The following RSPO2 variants were observed in gnomAD, a reference collection of about 807,000 sequenced individuals.
RSPO2 encodes R-spondin-2.
RSPO2 carries 14 observed loss-of-function variants against 30.9 expected under a neutral mutation model. That is an observed-to-expected ratio of 0.45 (90% confidence interval 0.30 to 0.71). The LOEUF is 0.71. Ranked by LOEUF, RSPO2 falls within the 30% of genes least tolerant of loss-of-function variation. The pLI, the probability that RSPO2 is intolerant of heterozygous loss-of-function variation, is 0.08. For synonymous variants in RSPO2, 107 were observed against 96.4 expected, an observed-to-expected ratio of 1.11 and a Z score of -0.64; for missense variants, 264 against 301.9, an observed-to-expected ratio of 0.87 and a Z score of 0.93.
At position 107,907,547 on chromosome 8, in the gene RSPO2, G is replaced by C. The variant is rs554732086; in HGVS notation, c.617-6357C>G. ...ACTTAGTCATTTCATCGTCATAAAA[G>C]AGCATGTGCTTTTAAAATCTACACA... On this transcript the variant is annotated intron_variant, in intron 5 of 5. Transcript: ENST00000276659. 1.5e-4 allele frequency among the ~76,000 whole-genome samples: 22 copies of C among 151,598 alleles called. No homozygotes were observed. The South Asian group carries it at 4.4e-3, about 30-fold the overall frequency.
intron 2 of RSPO2, among the ~76,000 whole-genome samples, chr8:108,045,941 C>T (rs935224838): frequency 2.0e-5 from 3 of 152,078 alleles, no homozygotes; most frequent in African/African-American, 7.2e-5. Flanking sequence ...TCCTTTTTAC[C>T]TTGTCAACTT....
intron 5 of RSPO2, among the ~76,000 whole-genome samples, chr8:107,928,291 TAC>T (rs748375458): frequency 9.2e-5 from 14 of 152,168 alleles, no homozygotes; most frequent in Admixed American, 2.0e-4. Context: ...TTTTAAAAAA[TAC>T]ATAGTTAACA....
chr8:107,951,118 G>A (rs1382909779), intron 5 of RSPO2, among the ~76,000 whole-genome samples: 1 of 150,636 alleles, frequency 6.6e-6, no homozygotes, highest in Non-Finnish European at 1.5e-5. Flanking sequence ...CCCAGGCTGA[G>A]TGCAGTGGCA....
chr8:107,917,166 T>C (rs537809490), intron 5 of RSPO2, among the ~76,000 whole-genome samples: 42 of 152,294 alleles, frequency 2.8e-4, no homozygotes, highest in African/African-American at 1.0e-3. Context: ...AAGTTTCTTC[T>C]ATCAGAGTAA....
At position 108,017,418 on chromosome 8, in the gene RSPO2, G is replaced by C. The variant is rs966371570; in HGVS notation, c.95-28174C>G. On this transcript the variant is annotated intron_variant, in intron 2 of 5. Transcript: ENST00000276659. The stretch of plus-strand genomic sequence containing the variant: ...GCAAAATGACAATATAACTCTACTA[G>C]GAGGATGGGGAAAAGAAGTGGGCTC... Among the ~76,000 whole-genome samples, 4 of 152,280 alleles carry C rather than the reference G, an allele frequency of 2.6e-5. 1 individual carries two copies. The East Asian group carries it at 7.7e-4, about 29-fold the overall frequency.
intron 2 of RSPO2, among the ~76,000 whole-genome samples, chr8:107,996,218 T>A (rs1163611705): frequency 6.6e-6 from 1 of 152,094 alleles, no homozygotes; most frequent in African/African-American, 2.4e-5. Context: ...CTAGAGAGAA[T>A]CCAACTCTTG....
chr8:108,074,818 G>A (rs1812962056), intron 2 of RSPO2, among the ~76,000 whole-genome samples: 1 of 152,128 alleles, frequency 6.6e-6, no homozygotes, highest in South Asian at 2.1e-4. Context: ...GTTTCTATAA[G>A]CAGCTCACCT....
chr8:108,003,299 ATATATATATATATTTTTTTTT>A (rs1815327025), intron 2 of RSPO2, among the ~76,000 whole-genome samples: 14 of 23,284 alleles, frequency 6.0e-4, no homozygotes, highest in African/African-American at 2.5e-3. Flanking sequence ...ATATATATAT[ATATATATATATATTTTTTTTT>A]TTTTTTTTTT....
chr8:108,035,116 C>T (rs1221693733), intron 2 of RSPO2, among the ~76,000 whole-genome samples: 1 of 152,074 alleles, frequency 6.6e-6, no homozygotes, highest in Non-Finnish European at 1.5e-5. Flanking sequence ...TCCAAGGAAA[C>T]AATATAACAG....
intron 5 of RSPO2, among the ~76,000 whole-genome samples, chr8:107,912,114 G>GA (rs1005608198): frequency 2.6e-5 from 4 of 151,168 alleles, no homozygotes; most frequent in African/African-American, 7.3e-5. Context: ...AAAACTCAAG[G>GA]AAAAAAACAA....
At chr8:107,922,760 G>A (rs1812219525) in intron 5 of RSPO2, among the ~76,000 whole-genome samples, 1 of 151,858 alleles carries the variant, frequency 6.6e-6, no homozygotes, top group Non-Finnish European at 1.5e-5. Flanking sequence ...TGGAAAAATG[G>A]AACAGAGAGC....
intron 2 of RSPO2, among the ~76,000 whole-genome samples, chr8:108,005,485 C>T (rs1172403234): frequency 1.3e-5 from 2 of 151,962 alleles, no homozygotes; most frequent in Admixed American, 6.6e-5. Context: ...TATTAGTGGG[C>T]ATGCTAGTTT....
chr8:108,067,622 A>G (rs1392512684), intron 2 of RSPO2, among the ~76,000 whole-genome samples: 1 of 152,270 alleles, frequency 6.6e-6, no homozygotes, highest in African/African-American at 2.4e-5. Context: ...ACACACAAGC[A>G]TGAATAGATC....
chr8:108,010,592 T>C (rs1268671465), intron 2 of RSPO2, among the ~76,000 whole-genome samples: 4 of 152,112 alleles, frequency 2.6e-5, no homozygotes, highest in African/African-American at 9.7e-5. Flanking sequence ...AGGACAGAGA[T>C]GCAGAGAGCC....
intron 2 of RSPO2, among the ~76,000 whole-genome samples, chr8:108,070,858 T>A (rs1412183570): frequency 3.9e-5 from 6 of 152,172 alleles, no homozygotes; most frequent in Non-Finnish European, 8.8e-5. Flanking sequence ...AGTGGATAAT[T>A]TTCTAAATAT....
At chr8:107,904,920 G>C (rs913380544) in intron 5 of RSPO2, among the ~76,000 whole-genome samples, 1 of 152,082 alleles carries the variant, frequency 6.6e-6, no homozygotes, top group African/African-American at 2.4e-5. Flanking sequence ...CTCACATGTG[G>C]AAATGGTCCA....
intron 5 of RSPO2, among the ~76,000 whole-genome samples, chr8:107,931,794 T>G (rs2130347060): frequency 6.6e-6 from 1 of 152,274 alleles, no homozygotes; most frequent in African/African-American, 2.4e-5. Context: ...TCCTAAGATA[T>G]TGTACACACA....
rs182414947 is a variant in RSPO2, at chr8:108,051,423, A to T, written c.94+31122T>A. On this transcript the variant is annotated intron_variant, in intron 2 of 5. Transcript: ENST00000276659. ...GGCTACAAAAAATGTTTTCTTTGGA[A>T]CTGGCTGCTTTCTGCAGTGTCAGAA... 1.6e-3 allele frequency among the ~76,000 whole-genome samples: 245 copies of T among 152,330 alleles called. 2 individuals are homozygous for T. Among genetic ancestry groups the T allele is most frequent in the Non-Finnish European group, 3.0e-3 (205 of 68,024 alleles).
intron 5 of RSPO2, among the ~76,000 whole-genome samples, chr8:107,938,283 G>A (rs1812782420): frequency 6.6e-6 from 1 of 152,032 alleles, no homozygotes. Flanking sequence ...CCTTGTGATA[G>A]TTCTAACTAT....
Sources: allele counts gnomAD v4.1 joint callset (sites outside exome capture counted in the v4.1 genomes callset), GRCh38; gene constraint gnomAD v4.1.1; transcripts MANE v1.5; gene names NCBI Gene and HGNC (gene_info 2026-07-23, HGNC 2026-07-21).